The following RBM47 variants were observed in gnomAD, a reference collection of about 807,000 sequenced individuals.
RBM47 encodes RNA binding motif protein 47.
Under a neutral mutation model 47.1 loss-of-function variants are expected in RBM47, and 21 were observed. The observed-to-expected ratio is 0.45, with a 90% CI of 0.32 to 0.64. RBM47 has a LOEUF of 0.64. Ranked by LOEUF, RBM47 falls within the 30% of genes least tolerant of loss-of-function variation. RBM47 has a pLI of 0.05. For missense variants in RBM47, 708 were observed against 870.9 expected, an observed-to-expected ratio of 0.81 and a Z score of 2.35; for synonymous variants, 375 against 361.7, an observed-to-expected ratio of 1.04 and a Z score of -0.42.
chr4:40,464,753 C>T (rs1307335756), intron 3 of RBM47, among the ~76,000 whole-genome samples: 3 of 151,418 alleles, frequency 2.0e-5, no homozygotes, highest in African/African-American at 7.3e-5. Context: ...TAGCCGGGTA[C>T]AGTGGCAGGC....
At chr4:40,585,338 A>T (rs1733457617) in intron 1 of RBM47, among the ~76,000 whole-genome samples, 1 of 152,206 alleles carries the variant, frequency 6.6e-6, no homozygotes. Context: ...AGTTCCTTTG[A>T]GCCTAATTCA....
At chr4:40,481,276 CT>C (rs1236509834) in intron 2 of RBM47, among the ~76,000 whole-genome samples, 137 of 119,474 alleles carry the variant, frequency 1.1e-3, no homozygotes, top group Non-Finnish European at 1.4e-3. Flanking sequence ...TTGTTTCTTT[CT>C]TTTTTTTTTT....
chr4:40,533,388 C>T (rs559560192), intron 2 of RBM47, among the ~76,000 whole-genome samples: 9 of 149,624 alleles, frequency 6.0e-5, no homozygotes, highest in Admixed American at 1.3e-4. Context: ...GAGCTGAGAC[C>T]GCACCACTGC....
At chr4:40,457,086 A>G (rs1716384452) in intron 3 of RBM47, among the ~76,000 whole-genome samples, 1 of 152,190 alleles carries the variant, frequency 6.6e-6, no homozygotes, top group African/African-American at 2.4e-5. Context: ...AACCAAACCC[A>G]GAGAGTCCAA....
chr4:40,432,174 C>T (rs1274641467), intron 6 of RBM47, among the ~76,000 whole-genome samples: 1 of 151,390 alleles, frequency 6.6e-6, no homozygotes, highest in Non-Finnish European at 1.5e-5. Context: ...CGTATCTATA[C>T]AGATGTTCTT....
At chr4:40,452,952 T>A (rs1715676214) in intron 3 of RBM47, among the ~76,000 whole-genome samples, 1 of 150,376 alleles carries the variant, frequency 6.6e-6, no homozygotes, top group Non-Finnish European at 1.5e-5. Context: ...CAAGCAGTTC[T>A]CCTGCCTCAG....
intron 1 of RBM47, among the ~76,000 whole-genome samples, chr4:40,625,088 T>A (rs945704609): frequency 2.0e-5 from 3 of 152,106 alleles, no homozygotes; most frequent in Non-Finnish European, 2.9e-5. Flanking sequence ...GACCTTGTGA[T>A]CTACCCGCCT....
chr4:40,591,604 G>A (rs1734142599), intron 1 of RBM47, among the ~76,000 whole-genome samples: 1 of 152,172 alleles, frequency 6.6e-6, no homozygotes, highest in Admixed American at 6.5e-5. Flanking sequence ...TGGGGCAGGA[G>A]AATTGCTTGA....
At chr4:40,597,797 C>T (rs1734894414) in intron 1 of RBM47, among the ~76,000 whole-genome samples, 1 of 152,158 alleles carries the variant, frequency 6.6e-6, no homozygotes, top group Non-Finnish European at 1.5e-5. Flanking sequence ...ATAGCACCTG[C>T]CCATGAAAAG....
intron 3 of RBM47, among the ~76,000 whole-genome samples, chr4:40,462,706 C>T (rs1717352138): frequency 6.7e-6 from 1 of 149,456 alleles, no homozygotes; most frequent in African/African-American, 2.5e-5. Context: ...GTTTTCTTAA[C>T]TGCTTGATAC....
Position 40,424,013 on chromosome 4 carries a change from C to T in RBM47, c.*1891G>A, listed in dbSNP as rs185467184. On this transcript the variant is annotated 3_prime_UTR_variant, in exon 7 of 7. Coordinates refer to ENST00000295971, the MANE Select transcript of RBM47 (RefSeq NM_001098634.2). ...AAAGAATGATGGAAAGGAATGTTAG[C>T]GGTGCTTAAAGGCCTCAGTAGGCAC... The T allele has an allele frequency of 1.6e-4, 25 of 152,194 alleles. No homozygotes were observed. The highest frequency in any genetic ancestry group is 1.3e-3 in the Admixed American group (20 of 15,256). 9.4% of individuals were successfully genotyped at this position (152,194 alleles called of 1,614,324 possible).
chr4:40,490,604 C>A (rs1721734021), intron 2 of RBM47, among the ~76,000 whole-genome samples: 1 of 151,666 alleles, frequency 6.6e-6, no homozygotes. Flanking sequence ...AAGATCTAGG[C>A]CATCTATTAA....
chr4:40,574,839 G>C (rs1229851555), intron 1 of RBM47, among the ~76,000 whole-genome samples: 2 of 152,110 alleles, frequency 1.3e-5, no homozygotes, highest in African/African-American at 4.8e-5. Context: ...AACAGAGTGA[G>C]ACTCTGTATC....
rs150373091 is a variant in RBM47, at chr4:40,456,891, G to T, written c.-32+9686C>A. On this transcript the variant is annotated intron_variant, in intron 3 of 6. Coordinates refer to ENST00000295971, the MANE Select transcript of RBM47 (RefSeq NM_001098634.2). The stretch of plus-strand genomic sequence containing the variant: ...TGGGATTAAAGGCGTGAGCCAACAC[G>T]CCCGGCCAGCCTCATTTTCTTGATG... 4.7e-3 allele frequency among the ~76,000 whole-genome samples: 711 copies of T among 152,020 alleles called. 10 individuals are homozygous for T. Among genetic ancestry groups the T allele is most frequent in the Admixed American group, 5.4e-3 (83 of 15,260 alleles).
chr4:40,543,339 A>T (rs1728723251), intron 2 of RBM47: 1 of 152,132 alleles, frequency 6.6e-6, no homozygotes, highest in Non-Finnish European at 1.5e-5. Flanking sequence ...AACCTTGGAT[A>T]AGTGTCTGAT....
intron 2 of RBM47, among the ~76,000 whole-genome samples, chr4:40,498,374 A>G (rs551467747): frequency 6.6e-6 from 1 of 152,288 alleles, no homozygotes; most frequent in East Asian, 1.9e-4. Flanking sequence ...AAAGCAAATT[A>G]TACTACAGCA....
At position 40,532,851 on chromosome 4, in the gene RBM47, C is replaced by T. The variant is rs187451386; in HGVS notation, c.-155+11571G>A. Among the ~76,000 whole-genome samples, 275 of 152,116 alleles carry T rather than the reference C, an allele frequency of 1.8e-3. 1 individual carries two copies. Among genetic ancestry groups the T allele is most frequent in the African/African-American group, 6.2e-3 (258 of 41,484 alleles). ...GTTGTCATAACACCACACAAGATCCCTTGATCTCTAGGCTATACCAGTAGC... is the reference window on the plus strand; with the variant it reads ...GTTGTCATAACACCACACAAGATCCTTTGATCTCTAGGCTATACCAGTAGC... On this transcript the variant is annotated intron_variant, in intron 2 of 6. Coordinates refer to ENST00000295971, the MANE Select transcript of RBM47 (RefSeq NM_001098634.2).
At chr4:40,501,867 GA>G (rs1723422273) in intron 2 of RBM47, among the ~76,000 whole-genome samples, 1 of 152,176 alleles carries the variant, frequency 6.6e-6, no homozygotes, top group Non-Finnish European at 1.5e-5. Flanking sequence ...GCTCAGATAA[GA>G]GTGAAATAAA....
At chr4:40,464,890 C>CGA (rs1553884152) in intron 3 of RBM47, among the ~76,000 whole-genome samples, 2 of 32,082 alleles carry the variant, frequency 6.2e-5, no homozygotes, top group Non-Finnish European at 1.0e-4. Flanking sequence ...GACTCTGTCT[C>CGA]AAAAAAAAAA....
Sources: allele counts gnomAD v4.1 joint callset (sites outside exome capture counted in the v4.1 genomes callset), GRCh38; gene constraint gnomAD v4.1.1; transcripts MANE v1.5; gene names NCBI Gene and HGNC (gene_info 2026-07-23, HGNC 2026-07-21).